Variants in UBE3A observed in about 807,000 individuals in gnomAD.
UBE3A encodes ubiquitin-protein ligase E3A.
A neutral mutation model predicts 83.4 loss-of-function variants in UBE3A; 6 were observed. That is an observed-to-expected ratio of 0.07 (90% CI 0.04 to 0.14). The LOEUF (loss-of-function observed/expected upper bound fraction) is 0.14. Among genes scored for constraint, UBE3A ranks in the 10% least tolerant of loss-of-function variants. The pLI is 1.00. For missense variants in UBE3A, 456 were observed against 1,036.1 expected (o/e 0.44, Z 7.69); for synonymous variants, 337 against 355.4 (o/e 0.95, Z 0.58).
At chr15:25,355,379 C>G (rs1385564172) in intron 9 of UBE3A, among the ~76,000 whole-genome samples, 1 of 152,048 alleles carries the variant, frequency 6.6e-6, no homozygotes, top group East Asian at 1.9e-4. Context: ...AAACATGTTT[C>G]TTAAAGGTAT....
intron 4 of UBE3A, among the ~76,000 whole-genome samples, chr15:25,391,321 G>A (rs2084327129): frequency 6.6e-6 from 1 of 152,170 alleles, no homozygotes; most frequent in South Asian, 2.1e-4. Flanking sequence ...AAGTAGAATG[G>A]CATTTGCCAA....
intron 4 of UBE3A, among the ~76,000 whole-genome samples, chr15:25,388,235 TA>T (rs529254622): frequency 1.3e-3 from 202 of 152,302 alleles, no homozygotes; most frequent in Non-Finnish European, 2.7e-3. Context: ...ATTAGCAAAC[TA>T]AATTTTACTA....
chr15:25,333,803 A>C lies in UBE3A; in HGVS notation c.*5334T>G, dbSNP rs2073834482. 1 of 152,136 alleles carries C rather than the reference A, an allele frequency of 6.6e-6. No individual in the cohort carries two copies. 9.4% of individuals were successfully genotyped at this position (152,136 alleles called of 1,614,324 possible). ...CAGGAATGCAAAGTTAATTCAATAT[A>C]CAAAAGTCCATTAATACAACATATT... On this transcript the variant is annotated 3_prime_UTR_variant, in exon 13 of 13. Coordinates refer to ENST00000648336, the MANE Select transcript of UBE3A (RefSeq NM_130839.5).
chr15:25,379,232 G>A (rs984525020), intron 4 of UBE3A, among the ~76,000 whole-genome samples: 12 of 152,168 alleles, frequency 7.9e-5, no homozygotes, highest in African/African-American at 2.9e-4. Flanking sequence ...TAAGCACTAT[G>A]AAAGTGTTAG....
chr15:25,415,271 T>C (rs2090665878), intron 1 of UBE3A, among the ~76,000 whole-genome samples: 2 of 152,234 alleles, frequency 1.3e-5, no homozygotes, highest in South Asian at 2.1e-4. Context: ...CATATCATTC[T>C]ATATTCAAAA....
chr15:25,415,267 A>G (rs960408232), intron 1 of UBE3A, among the ~76,000 whole-genome samples: 2 of 152,194 alleles, frequency 1.3e-5, no homozygotes, highest in African/African-American at 4.8e-5. Flanking sequence ...TACACATATC[A>G]TTCTATATTC....
chr15:25,341,135 T>C (rs982151811), intron 11 of UBE3A, among the ~76,000 whole-genome samples: 2 of 152,044 alleles, frequency 1.3e-5, no homozygotes, highest in East Asian at 3.9e-4. Flanking sequence ...AGTGGCGCGA[T>C]CTCGGCTCAT....
chr15:25,374,182 A>G (rs1476659621), intron 5 of UBE3A: 2 of 152,278 alleles, frequency 1.3e-5, no homozygotes, highest in Non-Finnish European at 2.9e-5. Context: ...ACAGTAGCAT[A>G]TTAGAAAACA....
chr15:25,373,026 G>T (rs972859402), intron 5 of UBE3A, among the ~76,000 whole-genome samples: 2 of 152,146 alleles, frequency 1.3e-5, no homozygotes, highest in Non-Finnish European at 2.9e-5. Flanking sequence ...AGCTACAAGA[G>T]TACCAACACT....
In UBE3A at chr15:25,334,040, A is replaced by ATTCTTGTCACTTCTATCC. The variant is rs2073846147; in HGVS notation, c.*5096_*5097insGGATAGAAGTGACAAGAA. ...TTCCCCTTAAAATCAGGAACAAGAA[A>ATTCTTGTCACTTCTATCC]AAGATGTCTGCTCTTGTCACTTCTA... On this transcript the variant is annotated 3_prime_UTR_variant, in exon 13 of 13. Coordinates refer to ENST00000648336, the MANE Select transcript of UBE3A (RefSeq NM_130839.5). The ATTCTTGTCACTTCTATCC allele has an allele frequency of 6.6e-6, 1 of 152,180 alleles. No homozygotes were observed. Among genetic ancestry groups the ATTCTTGTCACTTCTATCC allele is most frequent in the Non-Finnish European group, 1.5e-5 (1 of 68,032 alleles). The allele number at this position is 152,180 out of a possible 1,614,324, so 9.4% of individuals were successfully genotyped here. A position where few individuals can be genotyped will look rare whatever the true frequency, so the allele number is the denominator to read the frequency against.
At chr15:25,367,203 TTG>T (rs1566940606) in intron 6 of UBE3A, among the ~76,000 whole-genome samples, 3 of 98,086 alleles carry the variant, frequency 3.1e-5, no homozygotes, top group South Asian at 5.2e-4. Context: ...ATTTACATAT[TTG>T]TAAATATGTA....
At chr15:25,398,432 T>C (rs2086117177) in intron 4 of UBE3A, among the ~76,000 whole-genome samples, 1 of 151,944 alleles carries the variant, frequency 6.6e-6, no homozygotes, top group African/African-American at 2.4e-5. Context: ...AAATTTTGTG[T>C]CCTCTGACCA....
intron 1 of UBE3A, among the ~76,000 whole-genome samples, chr15:25,424,065 A>G (rs919792821): frequency 3.3e-5 from 5 of 152,162 alleles, no homozygotes; most frequent in African/African-American, 7.2e-5. Flanking sequence ...CTTGCTAAAC[A>G]TAAGTCATAC....
chr15:25,378,171 A>T (rs574552962), intron 4 of UBE3A, among the ~76,000 whole-genome samples: 12 of 152,298 alleles, frequency 7.9e-5, no homozygotes, highest in African/African-American at 2.9e-4. Flanking sequence ...AAGTCAAAAT[A>T]CCAAAATAGA....
chr15:25,411,092 C>T (rs1008521521), intron 2 of UBE3A, among the ~76,000 whole-genome samples: 5 of 152,084 alleles, frequency 3.3e-5, no homozygotes, highest in African/African-American at 9.7e-5. Context: ...TTATGAGATC[C>T]GGTGCTCAAA....
chr15:25,432,982 T>TGA (rs1893914083), intron 1 of UBE3A, among the ~76,000 whole-genome samples: 1 of 152,188 alleles, frequency 6.6e-6, no homozygotes, highest in African/African-American at 2.4e-5. Context: ...AAATATCTTT[T>TGA]CCTTTCAGGT....
chr15:25,376,402 T>C (rs1178640484), intron 4 of UBE3A, among the ~76,000 whole-genome samples: 1 of 152,088 alleles, frequency 6.6e-6, no homozygotes, highest in Non-Finnish European at 1.5e-5. Context: ...ATCCCATAAC[T>C]GTGGGAGGCT....
At position 25,370,455 on chromosome 15, in the gene UBE3A, G is replaced by T; in HGVS notation, c.1608+111C>A. 1.6e-6 allele frequency: 2 copies of T among 1,252,516 alleles called. No homozygotes were observed. The highest frequency in any genetic ancestry group is 2.3e-6 in the Non-Finnish European group (2 of 854,088). 77.6% of individuals were successfully genotyped at this position (1,252,516 alleles called of 1,614,324 possible). A position where few individuals can be genotyped will look rare whatever the true frequency, so the allele number is the denominator to read the frequency against. On this transcript the variant is annotated intron_variant, in intron 6 of 12. Coordinates refer to ENST00000648336, the MANE Select transcript of UBE3A (RefSeq NM_130839.5). This position sits in a 1 kb window ranked among gnomAD's most constrained non-coding sequence, Gnocchi z 4.2. ...CTTATATAAGATCAGAAATGTCCAT[G>T]TGTTCCTATGCTATATGGTATCATT...
At chr15:25,398,814 TAAAA>T (rs1219524204) in intron 4 of UBE3A, among the ~76,000 whole-genome samples, 273 of 58,816 alleles carry the variant, frequency 4.6e-3, no homozygotes, top group East Asian at 0.013. Context: ...TATATATATA[TAAAA>T]ATACATATAT....
Sources: gnomAD v4.1 joint callset for allele counts (sites outside exome capture counted in the v4.1 genomes callset) on GRCh38, gnomAD v4.1.1 for gene constraint, Gnocchi (gnomAD v3.1) non-coding constraint, MANE v1.5 for transcripts, NCBI Gene and HGNC (gene_info 2026-07-23, HGNC 2026-07-21) for gene names.